AATK: variants seen among roughly 807,000 people sequenced by gnomAD.
AATK encodes the protein lemur tail kinase 1, also known as serine/threonine-protein kinase LMTK1.
Under a neutral mutation model 114.3 loss-of-function variants are expected in AATK, and 91 were observed. The ratio of observed to expected loss-of-function variants is 0.80; its 90% CI spans 0.67 to 0.95. The LOEUF is 0.95. Ranked by LOEUF, AATK falls within the 40% of genes least tolerant of loss-of-function variation. The probability of loss-of-function intolerance (pLI) is 0.00; values close to 1 mark genes in which losing one functional copy is unlikely to be tolerated. For synonymous variants in AATK, 1,075 were observed against 916.5 expected, an observed-to-expected ratio of 1.17 and a Z score of -3.12; for missense variants, 2,176 against 1,965.2, an observed-to-expected ratio of 1.11 and a Z score of -2.03.
chr17:81,161,657 G>C (rs1327522533), intron 1 of AATK, among the ~76,000 whole-genome samples: 1 of 152,148 alleles, frequency 6.6e-6, no homozygotes, highest in African/African-American at 2.4e-5. Flanking sequence ...TGGAGCGTGG[G>C]TGCTGCCGGA....
chr17:81,119,072 A>G (rs939662223), intron 13 of AATK, among the ~76,000 whole-genome samples: 3 of 151,924 alleles, frequency 2.0e-5, no homozygotes, highest in Non-Finnish European at 2.9e-5. Context: ...TTCCGGTGAG[A>G]GGGCCTGCCG....
At position 81,120,190 on chromosome 17, in the gene AATK, C is replaced by T. The variant is rs1170772753; in HGVS notation, c.3735+11G>A. ...CCAGCCCCGGGCAGACCCCGGGTGGCGGCGGCCCACCTGGTCAAAGAGGTA... is the reference window on the plus strand; with the variant it reads ...CCAGCCCCGGGCAGACCCCGGGTGGTGGCGGCCCACCTGGTCAAAGAGGTA... On this transcript the variant is annotated intron_variant, in intron 11 of 13. Transcript: ENST00000326724. 6.4e-7 allele frequency: 1 copy of T among 1,554,118 alleles called. No homozygotes were observed. Among genetic ancestry groups the T allele is most frequent in the Non-Finnish European group, 8.7e-7 (1 of 1,144,432 alleles).
chr17:81,129,752 G>A (rs1019472077), intron 3 of AATK, among the ~76,000 whole-genome samples: 1 of 152,118 alleles, frequency 6.6e-6, no homozygotes, highest in East Asian at 1.9e-4. Context: ...GTACCCCCTC[G>A]GATGGTCCCT....
chr17:81,134,491 C>G lies in AATK; in HGVS notation c.66G>C (p.Pro22=). The G allele has an allele frequency of 1.2e-6, 2 of 1,612,228 alleles. No individual in the cohort carries two copies. The highest frequency in any genetic ancestry group is 1.7e-6 in the Non-Finnish European group (2 of 1,179,472). ...FSSHFDPDGA[P]LSELSWPSSL... ...AGGATGGCCAGGACAGCTCGCTGAGCGGGGCGCCGTCTGCGGGAGAGCAGT... is the reference window on the plus strand; with the variant it reads ...AGGATGGCCAGGACAGCTCGCTGAGGGGGGCGCCGTCTGCGGGAGAGCAGT... The change falls in exon 2 of 14, where the codon CCG becomes CCC. Residue 22 remains proline (P), a synonymous_variant. Coordinates refer to ENST00000326724, the MANE Select transcript of AATK (RefSeq NM_001080395.3).
intron 1 of AATK, among the ~76,000 whole-genome samples, chr17:81,145,914 G>A (rs982260025): frequency 2.6e-5 from 4 of 151,530 alleles, no homozygotes; most frequent in Non-Finnish European, 4.4e-5. Context: ...AAGACTGAGC[G>A]CGGTGGCTCA....
At chr17:81,143,254 C>T (rs928028924) in intron 1 of AATK, among the ~76,000 whole-genome samples, 16 of 152,098 alleles carry the variant, frequency 1.1e-4, no homozygotes, top group African/African-American at 3.9e-4. Context: ...GCAGCAGCCC[C>T]AGGTCCCAGG....
Position 81,119,208 on chromosome 17 carries a change from AG to A in AATK, c.4084+171del, listed in dbSNP as rs1209819287. 6.4e-3 allele frequency among the ~76,000 whole-genome samples: 945 copies of A among 148,708 alleles called. 4 individuals carry two copies. Among genetic ancestry groups the A allele is most frequent in the Middle Eastern group, 0.014 (4 of 282 alleles). The stretch of plus-strand genomic sequence containing the variant: ...GTCAGGTGAGGGCCAGGCGAGGGCC[AG>A]GCGGGGTCCAGGCTAGGTCTGGGGC... On this transcript the variant is annotated intron_variant, in intron 13 of 13. Transcript: ENST00000326724.
chr17:81,122,734 T>G lies in AATK; in HGVS notation c.1202A>C (p.Lys401Thr). Residue 401 changes from lysine (K) to threonine (T), a missense_variant, in exon 11 of 14, where the codon AAG (lysine) becomes ACG (threonine). Around this residue, in one of 4 missense-constraint regions of AATK, gnomAD observed 273 missense variants for 344.1 expected, o/e 0.79. Coordinates refer to ENST00000326724, the MANE Select transcript of AATK (RefSeq NM_001080395.3). ...CTCCTCCTCTGCTTCGGTGGCGCCCTTGGCACACAGGTAGGACAGCAGCAG... is the reference window on the plus strand; with the variant it reads ...CTCCTCCTCTGCTTCGGTGGCGCCCGTGGCACACAGGTAGGACAGCAGCAG... ...VHLLLSYLCAKGATEAEEEFE... is the reference protein window; with the variant it reads ...VHLLLSYLCATGATEAEEEFE... The G allele has an allele frequency of 6.3e-7, 1 of 1,597,164 alleles. No homozygotes were observed. Among genetic ancestry groups the G allele is most frequent in the South Asian group, 1.1e-5 (1 of 88,260 alleles).
chr17:81,125,071 G>A (rs1487219682), intron 7 of AATK, 57 bp from the exon 8 acceptor site: 2 of 1,137,658 alleles, frequency 1.8e-6, no homozygotes, highest in Admixed American at 2.4e-5. Context: ...GGTGTGCCGG[G>A]TGGGGGCAGG....
At chr17:81,127,738 G>A in intron 5 of AATK, 54 bp downstream of exon 5, 1 of 1,505,108 alleles carries the variant, frequency 6.6e-7, no homozygotes, top group Non-Finnish European at 9.0e-7. Context: ...CCGAGCAGGG[G>A]AGGGAGAGGA....
In AATK at chr17:81,120,837, C is replaced by G. The variant is rs372026732; in HGVS notation, c.3099G>C (p.Pro1033=). 3.8e-6 allele frequency: 6 copies of G among 1,578,736 alleles called. No homozygotes were observed. In the Admixed American group the frequency reaches 1.1e-4, roughly 29 times the overall value. ...PELGLPSTGQ[P]SEQVCLRPGV... ...CAGGCCTGAGACAGACCTGCTCAGA[C>G]GGCTGCCCAGTGCTCGGCAGGCCCA... Residue 1033 remains proline (P), a synonymous_variant, in exon 11 of 14, where the codon CCG becomes CCC. Transcript: ENST00000326724.
chr17:81,123,101 A>G, intron 10 of AATK, 93 bp downstream of exon 10: 1 of 1,323,158 alleles, frequency 7.6e-7, no homozygotes, highest in Non-Finnish European at 9.7e-7. Flanking sequence ...GCAGGGCTGG[A>G]ACGCCAGGGG....
intron 1 of AATK, among the ~76,000 whole-genome samples, chr17:81,139,557 G>A (rs2061091680): frequency 6.6e-6 from 1 of 152,216 alleles, no homozygotes; most frequent in Non-Finnish European, 1.5e-5. Context: ...CCGGCCCTCT[G>A]CTGCCACACA....
intron 1 of AATK, among the ~76,000 whole-genome samples, chr17:81,164,384 CCCT>C (rs1279123422): frequency 6.6e-6 from 1 of 152,202 alleles, no homozygotes; most frequent in East Asian, 1.9e-4. Flanking sequence ...CTTGGGCAGC[CCCT>C]CCTGGTAGGT....
At chr17:81,119,859 TAGGCCCCGCCTCCCACACAGCACGGACC>T in intron 12 of AATK, 49 bp downstream of exon 12, 2 of 1,357,836 alleles carry the variant, frequency 1.5e-6, no homozygotes, top group Non-Finnish European at 1.9e-6. Context: ...TGTCACACAT[TAGGCCCCGCCTCCCACACAGCACGGACC>T]AGGCCCTGCC....
At chr17:81,119,607 G>C in intron 12 of AATK, 27 bp from the exon 13 acceptor site, 1 of 1,537,506 alleles carries the variant, frequency 6.5e-7, no homozygotes, top group Non-Finnish European at 8.8e-7. Context: ...GGCGTCACTC[G>C]CGCTCACAGC....
At chr17:81,148,226 T>C (rs1463883134) in intron 1 of AATK, among the ~76,000 whole-genome samples, 1 of 152,224 alleles carries the variant, frequency 6.6e-6, no homozygotes, top group Non-Finnish European at 1.5e-5. Context: ...AGACGATGTA[T>C]GATTGTATTT....
intron 6 of AATK, among the ~76,000 whole-genome samples, chr17:81,127,077 G>T (rs1473464409): frequency 4.9e-5 from 7 of 143,680 alleles, no homozygotes; most frequent in East Asian, 4.4e-4. Context: ...CTCGGGGGAG[G>T]GGGAGACGGG....
chr17:81,120,425 A>G lies in AATK; in HGVS notation c.3511T>C (p.Ser1171Pro). The change falls in exon 11 of 14, where the codon TCT becomes CCT. Residue 1171 changes from serine to proline, a missense_variant. Ser to Pro is a moderately conservative substitution (Grantham distance 74). Transcript: ENST00000326724. Reference protein sequence around the residue: ...EEEDSEDSDESDEELRCYSVQ... With the variant: ...EEEDSEDSDEPDEELRCYSVQ... ...CTGTAGCAGCGGAGCTCCTCGTCAG[A>G]CTCGTCGCTGTCCTCACTGTCCTCC... The G allele has an allele frequency of 1.3e-6, 2 of 1,581,000 alleles. No individual in the cohort carries two copies. The highest frequency in any genetic ancestry group is 1.7e-6 in the Non-Finnish European group (2 of 1,160,654).
Sources: allele counts gnomAD v4.1 joint callset (sites outside exome capture counted in the v4.1 genomes callset), GRCh38; gene constraint gnomAD v4.1.1; regional missense constraint gnomAD v4.1.1; transcripts MANE v1.5; gene names NCBI Gene and HGNC (gene_info 2026-07-23, HGNC 2026-07-21).